The following ARID2 variants were observed in gnomAD, a reference collection of about 807,000 sequenced individuals.
ARID2 encodes the protein AT-rich interactive domain-containing protein 2.
A neutral mutation model predicts 184.6 loss-of-function variants in ARID2; 32 were observed. The observed-to-expected ratio is 0.17, with a 90% CI of 0.13 to 0.23. The LOEUF is 0.23. Ranked by LOEUF, ARID2 falls within the 10% of genes least tolerant of loss-of-function variation. The pLI is 1.00. For missense variants in ARID2, 1,696 were observed against 2,197.6 expected (o/e 0.77, Z 4.56); for synonymous variants, 836 against 772.6 (o/e 1.08, Z -1.36).
intron 20 of ARID2, 106 bp from the exon 21 acceptor site, chr12:45,904,828 G>T: frequency 9.0e-7 from 1 of 1,113,664 alleles, no homozygotes; most frequent in Non-Finnish European, 1.3e-6. Context: ...ACGGGGTGTG[G>T]AGCTATGTAT....
At chr12:45,775,370 AG>A (rs549673963) in intron 3 of ARID2, among the ~76,000 whole-genome samples, 13 of 152,272 alleles carry the variant, frequency 8.5e-5, no homozygotes, top group African/African-American at 3.1e-4. Flanking sequence ...TTTATCTAAG[AG>A]GCTTCATTGC....
chr12:45,895,968 T>G (rs1031247688), intron 20 of ARID2, among the ~76,000 whole-genome samples: 1 of 152,234 alleles, frequency 6.6e-6, no homozygotes, highest in African/African-American at 2.4e-5. Context: ...CTGGAAAGAT[T>G]TCTCATGTTC....
At chr12:45,887,773 C>T (rs1944219563) in intron 16 of ARID2, among the ~76,000 whole-genome samples, 1 of 152,172 alleles carries the variant, frequency 6.6e-6, no homozygotes, top group Non-Finnish European at 1.5e-5. Flanking sequence ...TCCCGAGGCT[C>T]CACCCCGTCC....
chr12:45,813,199 A>G (rs981861969), intron 4 of ARID2, among the ~76,000 whole-genome samples: 2 of 152,104 alleles, frequency 1.3e-5, no homozygotes, highest in Non-Finnish European at 2.9e-5. Flanking sequence ...AGGATTGGAG[A>G]TTCATGAAGA....
chr12:45,781,398 A>G (rs1039149966), intron 3 of ARID2, among the ~76,000 whole-genome samples: 2 of 878 alleles, frequency 2.3e-3, no homozygotes, highest in Non-Finnish European at 3.4e-3. Flanking sequence ...AATTTTATCA[A>G]TTGAGTACTC....
chr12:45,806,834 T>A (rs1942612173), intron 3 of ARID2, among the ~76,000 whole-genome samples: 1 of 152,226 alleles, frequency 6.6e-6, no homozygotes, highest in Admixed American at 6.5e-5. Flanking sequence ...TCATAGTTGC[T>A]TCACATCCCC....
At chr12:45,765,650 A>T (rs979659842) in intron 3 of ARID2, among the ~76,000 whole-genome samples, 1 of 151,926 alleles carries the variant, frequency 6.6e-6, no homozygotes, top group Non-Finnish European at 1.5e-5. Context: ...AGTAAGCATT[A>T]TTGAGATATA....
At chr12:45,786,810 G>A (rs775398930) in intron 3 of ARID2, among the ~76,000 whole-genome samples, 6 of 152,156 alleles carry the variant, frequency 3.9e-5, no homozygotes, top group East Asian at 1.9e-4. Flanking sequence ...CTATTCAGCC[G>A]TAAAAAAGAA....
Position 45,848,937 on chromosome 12 carries a change from T to G in ARID2, c.1682T>G (p.Ile561Ser). Residue 561 changes from isoleucine (I) to serine (S), a missense_variant, in exon 13 of 21, where the codon ATC (isoleucine) becomes AGC (serine). By Grantham distance (142) the Ile-to-Ser change is moderately radical (BLOSUM62 -2). Coordinates refer to ENST00000334344, the MANE Select transcript of ARID2 (RefSeq NM_152641.4). ...STCSKLARGG[I>S]LTSTGFYKCL... ...TGCAGTAAATTAGCTCGTGGTGGAA[T>G]CCTAACATCAACTGGATTTTATAAA... 6.2e-7 allele frequency: 1 copy of G among 1,612,564 alleles called. No individual in the cohort carries two copies. The highest frequency in any genetic ancestry group is 8.5e-7 in the Non-Finnish European group (1 of 1,179,044).
intron 3 of ARID2, among the ~76,000 whole-genome samples, chr12:45,753,518 A>G (rs1369509818): frequency 6.6e-6 from 1 of 152,202 alleles, no homozygotes; most frequent in Non-Finnish European, 1.5e-5. Flanking sequence ...TAGTATATGT[A>G]GTGTCTGGTA....
At position 45,892,044 on chromosome 12, in the gene ARID2, G is replaced by A. The variant is rs1219350021; in HGVS notation, c.5095G>A (p.Gly1699Arg). 1.9e-6 allele frequency: 3 copies of A among 1,613,954 alleles called. No individual in the cohort carries two copies. Among genetic ancestry groups the A allele is most frequent in the African/African-American group, 2.7e-5 (2 of 74,920 alleles). Residue 1699 changes from glycine to arginine, a missense_variant, in exon 18 of 21, where the codon GGA (glycine) becomes AGA (arginine). Around this residue, in one of 11 missense-constraint regions of ARID2, gnomAD observed 58 missense variants for 47.1 expected, o/e 1.23. Coordinates refer to ENST00000334344, the MANE Select transcript of ARID2 (RefSeq NM_152641.4). ...KHCSKDALLAGLKQDEPGQAG... is the reference protein window; with the variant it reads ...KHCSKDALLARLKQDEPGQAG... ...CTGTTCAAAGGATGCCCTACTTGCAGGATTAAAACAAGATGAACCAGGACA... is the reference window on the plus strand; with the variant it reads ...CTGTTCAAAGGATGCCCTACTTGCAAGATTAAAACAAGATGAACCAGGACA...
At chr12:45,730,239 G>A in intron 2 of ARID2, 102 bp downstream of exon 2, 2 of 1,105,680 alleles carry the variant, frequency 1.8e-6, no homozygotes, top group Non-Finnish European at 1.3e-6. Flanking sequence ...GTGGCCCGCG[G>A]GGGCAAAAGG....
intron 15 of ARID2, among the ~76,000 whole-genome samples, chr12:45,856,071 T>C (rs1049384757): frequency 1.5e-4 from 18 of 122,238 alleles, no homozygotes; most frequent in Non-Finnish European, 3.3e-5. Context: ...TCTTTTCTTT[T>C]TTTTTTTTTT....
At chr12:45,811,898 A>G (rs1025215876) in intron 4 of ARID2, among the ~76,000 whole-genome samples, 6 of 152,234 alleles carry the variant, frequency 3.9e-5, no homozygotes, top group East Asian at 1.9e-4. Context: ...TATAGAGTCT[A>G]TTAGATTTTC....
chr12:45,794,400 C>G (rs1205162065), intron 3 of ARID2, among the ~76,000 whole-genome samples: 1 of 152,136 alleles, frequency 6.6e-6, no homozygotes, highest in Non-Finnish European at 1.5e-5. Context: ...CATAAATGAC[C>G]TACATTGGAA....
At chr12:45,792,704 C>T (rs1942315155) in intron 3 of ARID2, among the ~76,000 whole-genome samples, 2 of 151,680 alleles carry the variant, frequency 1.3e-5, no homozygotes, top group Admixed American at 1.3e-4. Flanking sequence ...TGTTTTGGGG[C>T]TCTTGTTAGG....
intron 16 of ARID2, among the ~76,000 whole-genome samples, chr12:45,875,920 G>A (rs1394994899): frequency 1.3e-5 from 2 of 152,188 alleles, no homozygotes; most frequent in Non-Finnish European, 2.9e-5. Context: ...TATCAGCAAG[G>A]CTCTTTCACT....
At chr12:45,854,469 T>A (rs533075491) in intron 15 of ARID2, among the ~76,000 whole-genome samples, 2 of 152,178 alleles carry the variant, frequency 1.3e-5, no homozygotes, top group Non-Finnish European at 2.9e-5. Flanking sequence ...GAAAATACTG[T>A]ATCATTTTTA....
rs1196869369 is a variant in ARID2, at chr12:45,905,090, A to C, written c.*12A>C. Reference sequence around the variant, plus strand: ...AAATGCTGCAGTGAAAAATAATTCCACTTACACAGTGGGGGACTCAAAGTC... The same window carrying C: ...AAATGCTGCAGTGAAAAATAATTCCCCTTACACAGTGGGGGACTCAAAGTC... On this transcript the variant is annotated 3_prime_UTR_variant, in exon 21 of 21. Coordinates refer to ENST00000334344, the MANE Select transcript of ARID2 (RefSeq NM_152641.4). The C allele has an allele frequency of 6.8e-6, 11 of 1,611,318 alleles. No homozygotes were observed. The highest frequency in any genetic ancestry group is 9.3e-6 in the Non-Finnish European group (11 of 1,178,582).
Sources: allele counts gnomAD v4.1 joint callset (sites outside exome capture counted in the v4.1 genomes callset), GRCh38; gene constraint gnomAD v4.1.1; regional missense constraint gnomAD v4.1.1; transcripts MANE v1.5; gene names NCBI Gene and HGNC (gene_info 2026-07-23, HGNC 2026-07-21).